LRP1B: variants seen among roughly 807,000 people sequenced by gnomAD.
LRP1B encodes LDL receptor related protein 1B.
Under a neutral mutation model 556.6 loss-of-function variants are expected in LRP1B, and 217 were observed. That is an observed-to-expected ratio of 0.39 (90% CI 0.35 to 0.44). LRP1B has a LOEUF of 0.44. LRP1B is among the 20% of genes least tolerant of loss of function. The pLI, the probability that LRP1B is intolerant of heterozygous loss-of-function variation, is 1.00. For missense variants in LRP1B, 5,053 were observed against 5,620.8 expected (o/e 0.90, Z 3.23); for synonymous variants, 2,047 against 1,865.8 (o/e 1.10, Z -2.50).
At chr2:141,340,429 C>T (rs1220259964) in intron 3 of LRP1B, among the ~76,000 whole-genome samples, 1 of 152,162 alleles carries the variant, frequency 6.6e-6, no homozygotes, top group Non-Finnish European at 1.5e-5. Flanking sequence ...AATGAGGCCT[C>T]TGAAGCAGCA....
At chr2:140,407,173 G>A (rs1055769065) in intron 66 of LRP1B, among the ~76,000 whole-genome samples, 4 of 151,842 alleles carry the variant, frequency 2.6e-5, no homozygotes, top group Admixed American at 2.0e-4. Context: ...CCTCTCTCAC[G>A]TTATACAAAA....
At chr2:140,996,318 T>C (rs1238162030) in intron 15 of LRP1B, among the ~76,000 whole-genome samples, 1 of 151,974 alleles carries the variant, frequency 6.6e-6, no homozygotes, top group Non-Finnish European at 1.5e-5. Flanking sequence ...CAGTTTTCTT[T>C]AGGTTCATGA....
chr2:141,525,143 T>A (rs1684654554), intron 2 of LRP1B, among the ~76,000 whole-genome samples: 1 of 152,124 alleles, frequency 6.6e-6, no homozygotes, highest in African/African-American at 2.4e-5. Flanking sequence ...CCCGAATCAG[T>A]CATCAGTTAA....
At chr2:140,732,799 A>C (rs1461936169) in intron 35 of LRP1B, among the ~76,000 whole-genome samples, 1 of 152,190 alleles carries the variant, frequency 6.6e-6, no homozygotes, top group African/African-American at 2.4e-5. Context: ...GTTTTTTAGA[A>C]TGCATCCCAG....
rs61336155 is a variant in LRP1B, at chr2:140,600,767, G to GTTTTTTTTTTTTTTTTTTTTTTTTTTT, written c.6989+682_6989+683insAAAAAAAAAAAAAAAAAAAAAAAAAAA. On this transcript the variant is annotated intron_variant, in intron 42 of 90. Transcript: ENST00000389484. ...CCTTACCTGTGCTTTGTTCTTCGGGGTTTTTTTTTTTTTTTTTTTTTTTTT... is the reference window on the plus strand; with the variant it reads ...CCTTACCTGTGCTTTGTTCTTCGGGGTTTTTTTTTTTTTTTTTTTTTTTTTTTTTTTTTTTTTTTTTTTTTTTTTTTT... Among the ~76,000 whole-genome samples the GTTTTTTTTTTTTTTTTTTTTTTTTTTT allele has an allele frequency of 3.0e-4, 17 of 56,888 alleles. 2 individuals are homozygous for GTTTTTTTTTTTTTTTTTTTTTTTTTTT. The highest frequency in any genetic ancestry group is 7.3e-4 in the East Asian group (2 of 2,744). 37.3% of individuals were successfully genotyped at this position (56,888 alleles called of 152,430 possible). A position where few individuals can be genotyped will look rare whatever the true frequency, so the allele number is the denominator to read the frequency against.
At position 141,193,222 on chromosome 2, in the gene LRP1B, C is replaced by G. The variant is rs78876906; in HGVS notation, c.851-4639G>C. ...AGAACTACCATTTAACCCAGCAATC[C>G]CATTACTGTGTATATACCCAGAGGA... On this transcript the variant is annotated intron_variant, in intron 6 of 90. Coordinates refer to ENST00000389484, the MANE Select transcript of LRP1B (RefSeq NM_018557.3). Among the ~76,000 whole-genome samples the G allele has an allele frequency of 4.9e-3, 751 of 152,086 alleles. 11 individuals carry two copies. The highest frequency in any genetic ancestry group is 0.017 in the African/African-American group (704 of 41,534).
chr2:141,435,355 T>C (rs2104992436), intron 3 of LRP1B, among the ~76,000 whole-genome samples: 1 of 150,486 alleles, frequency 6.6e-6, no homozygotes, highest in Admixed American at 6.6e-5. Context: ...ACCCCAAGAG[T>C]TGGCTGTTAT....
intron 1 of LRP1B, among the ~76,000 whole-genome samples, chr2:142,089,569 A>C (rs1706080983): frequency 6.6e-6 from 1 of 152,208 alleles, no homozygotes. Flanking sequence ...GAGGGAAAGA[A>C]GAAGGGCATC....
At chr2:141,204,050 A>G (rs1398222889) in intron 6 of LRP1B, among the ~76,000 whole-genome samples, 2 of 152,242 alleles carry the variant, frequency 1.3e-5, no homozygotes, top group Non-Finnish European at 2.9e-5. Flanking sequence ...AGGGAAATAT[A>G]TAGCATTAAA....
chr2:140,234,896 CAG>C lies in LRP1B; in HGVS notation c.13561-14_13561-13del. On this transcript the variant is annotated splice_polypyrimidine_tract_variant and intron_variant, in intron 89 of 90. Coordinates refer to ENST00000389484, the MANE Select transcript of LRP1B (RefSeq NM_018557.3). ...CCTATGTACCTGGCCTGTATATAAA[CAG>C]AAAATTTTAGTTTCTGATCTAATAT... is the stretch of plus-strand genomic sequence containing the variant. 2.6e-6 allele frequency: 2 copies of C among 760,624 alleles called. No homozygotes were observed. Among genetic ancestry groups the C allele is most frequent in the Non-Finnish European group, 4.9e-6 (2 of 410,320 alleles). 47.1% of individuals were successfully genotyped at this position (760,624 alleles called of 1,614,324 possible).
At chr2:140,691,111 C>A (rs1484358991) in intron 41 of LRP1B, among the ~76,000 whole-genome samples, 1 of 151,984 alleles carries the variant, frequency 6.6e-6, no homozygotes, top group East Asian at 1.9e-4. Flanking sequence ...TGAAACACTC[C>A]TAAACAATAA....
intron 32 of LRP1B, among the ~76,000 whole-genome samples, chr2:140,779,451 C>T (rs1320537411): frequency 6.6e-6 from 1 of 152,026 alleles, no homozygotes; most frequent in East Asian, 1.9e-4. Flanking sequence ...AATCCCAGCA[C>T]TTTGGGAGGC....
At chr2:140,306,956 C>G (rs1168732263) in intron 83 of LRP1B, among the ~76,000 whole-genome samples, 3 of 151,584 alleles carry the variant, frequency 2.0e-5, no homozygotes, top group Non-Finnish European at 4.4e-5. Context: ...TTATTAAGGT[C>G]TATATTTTAT....
chr2:141,700,670 C>T (rs1195550708), intron 2 of LRP1B, among the ~76,000 whole-genome samples: 1 of 151,678 alleles, frequency 6.6e-6, no homozygotes, highest in Admixed American at 6.6e-5. Context: ...CCCTCTTCCC[C>T]AAGGTGAGTC....
At chr2:140,576,916 TCTC>T (rs1395261509) in intron 43 of LRP1B, among the ~76,000 whole-genome samples, 2 of 152,208 alleles carry the variant, frequency 1.3e-5, no homozygotes, top group Non-Finnish European at 2.9e-5. Context: ...GTCTAGATGT[TCTC>T]CTGAGTTTTT....
chr2:140,880,357 T>C (rs1440299614), intron 25 of LRP1B, among the ~76,000 whole-genome samples: 2 of 152,102 alleles, frequency 1.3e-5, no homozygotes, highest in Non-Finnish European at 2.9e-5. Context: ...ACGGGATTCA[T>C]GGTCTCTTTC....
At chr2:141,973,045 T>G (rs1210200918) in intron 1 of LRP1B, among the ~76,000 whole-genome samples, 2 of 151,644 alleles carry the variant, frequency 1.3e-5, no homozygotes, top group Admixed American at 1.3e-4. Flanking sequence ...TACTTCAGAC[T>G]TCAAACTGTA....
At chr2:140,733,562 A>T (rs561274429) in intron 35 of LRP1B, among the ~76,000 whole-genome samples, 2 of 152,174 alleles carry the variant, frequency 1.3e-5, no homozygotes, top group Non-Finnish European at 2.9e-5. Context: ...ACATGCAAAA[A>T]CAGGAGGGAT....
chr2:141,407,470 G>A (rs1690683976), intron 3 of LRP1B, among the ~76,000 whole-genome samples: 1 of 152,122 alleles, frequency 6.6e-6, no homozygotes. Flanking sequence ...CCCCAGTGTT[G>A]GAGGTGGGGC....
Sources: allele counts gnomAD v4.1 joint callset (sites outside exome capture counted in the v4.1 genomes callset), GRCh38; gene constraint gnomAD v4.1.1; transcripts MANE v1.5; gene names NCBI Gene and HGNC (gene_info 2026-07-23, HGNC 2026-07-21).